Variants in TENM4 observed in about 807,000 individuals in gnomAD.
The protein encoded by TENM4 is teneurin-4.
Under a neutral mutation model 243.3 loss-of-function variants are expected in TENM4, and 82 were observed. The observed-to-expected ratio is 0.34, with a 90% CI of 0.28 to 0.40. The LOEUF (loss-of-function observed/expected upper bound fraction) is 0.40, where lower values mean the gene tolerates loss of function less well. Among genes scored for constraint, TENM4 ranks in the 10% least tolerant of loss-of-function variants. The pLI is 1.00. For missense variants in TENM4, 3,138 were observed against 3,673.3 expected (o/e 0.85, Z 3.77); for synonymous variants, 1,412 against 1,456.3 (o/e 0.97, Z 0.69).
In TENM4 at chr11:78,688,041, C is replaced by A; in HGVS notation, c.5260+13G>T. The A allele has an allele frequency of 6.2e-7, 1 of 1,612,908 alleles. No homozygotes were observed. The highest frequency in any genetic ancestry group is 8.5e-7 in the Non-Finnish European group (1 of 1,179,352). Reference sequence around the variant, plus strand: ...CCTCTGCCTCAAAGTCCCCTGGCCCCCACCTGACTTACCTTGCAGCAGTGT... The same window carrying A: ...CCTCTGCCTCAAAGTCCCCTGGCCCACACCTGACTTACCTTGCAGCAGTGT... On this transcript the variant is annotated intron_variant, in intron 29 of 33. Transcript: ENST00000278550.
chr11:79,054,118 T>C (rs539266134), intron 6 of TENM4, among the ~76,000 whole-genome samples: 2 of 152,172 alleles, frequency 1.3e-5, no homozygotes, highest in African/African-American at 4.8e-5. Context: ...CTCTCCCTGT[T>C]CGGGGATGCT....
intron 6 of TENM4, among the ~76,000 whole-genome samples, chr11:79,038,961 T>C (rs1249736154): frequency 6.6e-6 from 1 of 152,194 alleles, no homozygotes; most frequent in Non-Finnish European, 1.5e-5. Context: ...ACCACCAGGA[T>C]TACATCTAGA....
intron 6 of TENM4, among the ~76,000 whole-genome samples, chr11:78,995,570 T>C (rs938105885): frequency 2.6e-5 from 4 of 152,186 alleles, no homozygotes; most frequent in South Asian, 2.1e-4. Flanking sequence ...TGGGTCAAAA[T>C]CTTGTCAACA....
chr11:78,791,589 T>C (rs1323404852), intron 15 of TENM4, among the ~76,000 whole-genome samples: 1 of 152,238 alleles, frequency 6.6e-6, no homozygotes, highest in Non-Finnish European at 1.5e-5. Context: ...GGAGATCCCA[T>C]GGTGATTATG....
chr11:78,831,445 A>G (rs1023148610), intron 12 of TENM4, among the ~76,000 whole-genome samples: 1 of 152,192 alleles, frequency 6.6e-6, no homozygotes, highest in African/African-American at 2.4e-5. Flanking sequence ...CTGATGCACA[A>G]TGTGCTAAGT....
intron 6 of TENM4, among the ~76,000 whole-genome samples, chr11:78,921,099 G>A (rs1265863536): frequency 6.6e-6 from 1 of 152,204 alleles, no homozygotes; most frequent in Non-Finnish European, 1.5e-5. Context: ...GGACTAGCTT[G>A]ACTCTCCAAG....
At chr11:79,383,901 GC>G (rs1858056181) in intron 1 of TENM4, among the ~76,000 whole-genome samples, 1 of 152,128 alleles carries the variant, frequency 6.6e-6, no homozygotes, top group Non-Finnish European at 1.5e-5. Flanking sequence ...TTCACATAAG[GC>G]ACGTCCCTGC....
chr11:78,773,453 A>C (rs1026117652), intron 17 of TENM4, among the ~76,000 whole-genome samples: 1 of 152,040 alleles, frequency 6.6e-6, no homozygotes, highest in Non-Finnish European at 1.5e-5. Context: ...ACTCACCTTT[A>C]CCTTCTCTCT....
intron 6 of TENM4, among the ~76,000 whole-genome samples, chr11:79,034,708 G>GC (rs1859332518): frequency 6.6e-6 from 1 of 152,080 alleles, no homozygotes; most frequent in Non-Finnish European, 1.5e-5. Flanking sequence ...GGTCAGACGG[G>GC]CCTGGAAAAT....
At chr11:79,101,977 G>A (rs140094953) in intron 4 of TENM4, among the ~76,000 whole-genome samples, 12 of 152,306 alleles carry the variant, frequency 7.9e-5, no homozygotes, top group Non-Finnish European at 1.0e-4. Flanking sequence ...GGGCCAGATC[G>A]TGTGAGTTTG....
At chr11:79,188,105 C>T (rs1863411003) in intron 3 of TENM4, among the ~76,000 whole-genome samples, 1 of 152,212 alleles carries the variant, frequency 6.6e-6, no homozygotes, top group Non-Finnish European at 1.5e-5. Flanking sequence ...ACTGCTGGGA[C>T]ATTTGCACTT....
chr11:78,954,314 AG>A (rs1189546569), intron 6 of TENM4, among the ~76,000 whole-genome samples: 1 of 152,232 alleles, frequency 6.6e-6, no homozygotes, highest in Non-Finnish European at 1.5e-5. Context: ...TCTCAAGGTG[AG>A]CAGGCTGTGT....
chr11:78,990,755 C>T (rs533250136), intron 6 of TENM4, among the ~76,000 whole-genome samples: 86 of 152,164 alleles, frequency 5.7e-4, no homozygotes, highest in South Asian at 3.3e-3. Context: ...CCTTTAGCAG[C>T]GCTTGAATTT....
intron 19 of TENM4, among the ~76,000 whole-genome samples, chr11:78,746,620 C>T (rs1270314092): frequency 2.0e-5 from 3 of 152,192 alleles, no homozygotes; most frequent in South Asian, 2.1e-4. Flanking sequence ...CTGAGCCCAT[C>T]GACTATGGTG....
intron 3 of TENM4, among the ~76,000 whole-genome samples, chr11:79,165,077 A>G (rs1449836790): frequency 6.6e-6 from 1 of 151,696 alleles, no homozygotes; most frequent in African/African-American, 2.4e-5. Flanking sequence ...TATTTTTGAA[A>G]TTGCGAATTG....
intron 12 of TENM4, among the ~76,000 whole-genome samples, chr11:78,845,974 A>G (rs1029291277): frequency 2.0e-5 from 3 of 152,176 alleles, no homozygotes; most frequent in African/African-American, 4.8e-5. Flanking sequence ...TGGCCAGCAC[A>G]CTGTGAGCCT....
In TENM4 at chr11:79,365,183, G is replaced by C. The variant is rs752203492; in HGVS notation, c.-320-67640C>G. Among the ~76,000 whole-genome samples the C allele has an allele frequency of 4.3e-4, 65 of 152,226 alleles. 2 individuals are homozygous for C. Among genetic ancestry groups the C allele is most frequent in the Admixed American group, 3.2e-3 (49 of 15,284 alleles). On this transcript the variant is annotated intron_variant, in intron 1 of 33. Coordinates refer to ENST00000278550, the MANE Select transcript of TENM4 (RefSeq NM_001098816.3). The stretch of plus-strand genomic sequence containing the variant: ...TGCAGCCCCAAGAGGCTTTGAGCTG[G>C]GATAAGCACTATATCTACCCCAAAA...
intron 3 of TENM4, among the ~76,000 whole-genome samples, chr11:79,183,097 A>C (rs1307114908): frequency 1.3e-5 from 2 of 152,214 alleles, no homozygotes; most frequent in Admixed American, 6.5e-5. Context: ...CCAGAAAAAA[A>C]CCAGCACATG....
chr11:79,250,803 C>T (rs1055946668), intron 2 of TENM4, among the ~76,000 whole-genome samples: 1 of 152,228 alleles, frequency 6.6e-6, no homozygotes, highest in Admixed American at 6.5e-5. Flanking sequence ...GAAGCTTAAA[C>T]TTTCAATTGC....
Sources: allele counts gnomAD v4.1 joint callset (sites outside exome capture counted in the v4.1 genomes callset), GRCh38; gene constraint gnomAD v4.1.1; transcripts MANE v1.5; gene names NCBI Gene and HGNC (gene_info 2026-07-23, HGNC 2026-07-21).